SEMA6C: variants seen among roughly 807,000 people sequenced by gnomAD.
SEMA6C encodes the protein semaphorin-6C.
SEMA6C carries 37 observed loss-of-function variants against 72.9 expected under a neutral mutation model. The observed-to-expected ratio is 0.51, with a 90% CI of 0.39 to 0.67. SEMA6C has a LOEUF of 0.67. SEMA6C is among the 30% of genes least tolerant of loss of function. SEMA6C has a pLI of 0.00. For synonymous variants in SEMA6C, 578 were observed against 554.1 expected, an observed-to-expected ratio of 1.04 and a Z score of -0.61; for missense variants, 1,189 against 1,263.6, an observed-to-expected ratio of 0.94 and a Z score of 0.89.
chr1:151,132,119 C>A lies in SEMA6C; in HGVS notation c.*365G>T. On this transcript the variant is annotated 3_prime_UTR_variant, in exon 19 of 19. Transcript: ENST00000368914. The stretch of plus-strand genomic sequence containing the variant: ...CAGTAGGAGAGGCACGTCCCAGACC[C>A]AGAAGGCCCGAGGACTCTGGACACA... 1 of 1,073,634 alleles carries A rather than the reference C, an allele frequency of 9.3e-7. No individual in the cohort carries two copies. The highest frequency in any genetic ancestry group is 1.2e-6 in the Non-Finnish European group (1 of 815,370). 66.5% of individuals were successfully genotyped at this position (1,073,634 alleles called of 1,614,324 possible). A position where few individuals can be genotyped will look rare whatever the true frequency, so the allele number is the denominator to read the frequency against.
At chr1:151,136,791 A>G in intron 11 of SEMA6C, 66 bp downstream of exon 11, 1 of 1,479,884 alleles carries the variant, frequency 6.8e-7, no homozygotes, top group Non-Finnish European at 9.4e-7. Flanking sequence ...TAGGCTGTGA[A>G]AGGGGAGTTT....
chr1:151,132,415 G>C lies in SEMA6C; in HGVS notation c.*69C>G. The C allele has an allele frequency of 3.9e-6, 6 of 1,524,494 alleles. No individual in the cohort carries two copies. The highest frequency in any genetic ancestry group is 5.3e-6 in the Non-Finnish European group (6 of 1,133,198). 94.4% of individuals were successfully genotyped at this position (1,524,494 alleles called of 1,614,324 possible). A position where few individuals can be genotyped will look rare whatever the true frequency, so the allele number is the denominator to read the frequency against. On this transcript the variant is annotated 3_prime_UTR_variant, in exon 19 of 19. Coordinates refer to ENST00000368914, the MANE Select transcript of SEMA6C (RefSeq NM_030913.6). ...GGGCGAGGGGGCGGTGAAACGTCCT[G>C]AAGAGCGTCCAGCTCGTGGCCGAGA...
Position 151,137,809 on chromosome 1 carries a change from G to A in SEMA6C, c.668-10C>T, listed in dbSNP as rs1456258305. Reference sequence around the variant, plus strand: ...TGGACAAAGTGTGGCTCTAAGATGGGGAATGACAGGAAAGGGTATAGAAGA... The same window carrying A: ...TGGACAAAGTGTGGCTCTAAGATGGAGAATGACAGGAAAGGGTATAGAAGA... On this transcript the variant is annotated splice_polypyrimidine_tract_variant and intron_variant, in intron 9 of 18. Coordinates refer to ENST00000368914, the MANE Select transcript of SEMA6C (RefSeq NM_030913.6). 1 of 1,611,674 alleles carries A rather than the reference G, an allele frequency of 6.2e-7. No homozygotes were observed. Among genetic ancestry groups the A allele is most frequent in the Admixed American group, 1.7e-5 (1 of 59,864 alleles).
Position 151,137,018 on chromosome 1 carries a change from C to A in SEMA6C, c.813G>T (p.Arg271=). 1 of 1,614,040 alleles carries A rather than the reference C, an allele frequency of 6.2e-7. No homozygotes were observed. Reference sequence around the variant, plus strand: ...AGGATGTCCAGTGGCGGTCCAAGGCCCGAGGCGAGCCGCCCATGTCACGTT... The same window carrying A: ...AGGATGTCCAGTGGCGGTCCAAGGCACGAGGCGAGCCGCCCATGTCACGTT... ...VCKRDMGGSP[R]ALDRHWTSFL... is the part of the protein sequence containing the mutation. The change falls in exon 11 of 19, where the codon CGG becomes CGT. Residue 271 remains arginine (R), a synonymous_variant. Transcript: ENST00000368914.
At chr1:151,136,734 C>T in intron 11 of SEMA6C, 123 bp downstream of exon 11, 2 of 1,340,190 alleles carry the variant, frequency 1.5e-6, no homozygotes, top group South Asian at 2.7e-5. Flanking sequence ...AAAATGGCAA[C>T]ACAGCAAACT....
intron 12 of SEMA6C, 106 bp from the exon 13 acceptor site, chr1:151,136,269 C>T (rs587723689): frequency 5.3e-6 from 8 of 1,517,690 alleles, no homozygotes; most frequent in South Asian, 1.2e-5. Context: ...CTTGCTCCCC[C>T]TCCACACAGA....
intron 11 of SEMA6C, 24 bp downstream of exon 11, chr1:151,136,833 C>A: frequency 1.3e-6 from 2 of 1,596,562 alleles, no homozygotes; most frequent in South Asian, 2.2e-5. Context: ...CAGATTGGGT[C>A]ACACTAGTCA....
intron 6 of SEMA6C, 124 bp from the exon 7 acceptor site, chr1:151,138,855 G>A (rs1207203691): frequency 1.4e-6 from 1 of 729,128 alleles, no homozygotes; most frequent in African/African-American, 1.7e-5. Flanking sequence ...CACTTTGGGA[G>A]GCCAAGGTGG....
chr1:151,132,449 G>A lies in SEMA6C; in HGVS notation c.*35C>T, dbSNP rs1226004946. On this transcript the variant is annotated 3_prime_UTR_variant, in exon 19 of 19. Transcript: ENST00000368914. The stretch of plus-strand genomic sequence containing the variant: ...CCAGCTCGTGGCCGAGAGGACTCGG[G>A]CGCTCCCCACGCTGGAGGCCGTGGG... 9.1e-6 allele frequency: 14 copies of A among 1,536,094 alleles called. No individual in the cohort carries two copies. The highest frequency in any genetic ancestry group is 1.2e-5 in the Non-Finnish European group (14 of 1,138,898).
rs1042557821 is a variant in SEMA6C at position 151,145,843 on chromosome 1, CCT to C, written c.-105+588_-105+589del. 79 of 152,406 alleles carry C rather than the reference CCT, an allele frequency of 5.2e-4. No homozygotes were observed. The highest frequency in any genetic ancestry group is 1.8e-3 in the African/African-American group (75 of 41,568). 9.4% of individuals were successfully genotyped at this position (152,406 alleles called of 1,614,324 possible). A position where few individuals can be genotyped will look rare whatever the true frequency, so the allele number is the denominator to read the frequency against. On this transcript the variant is annotated intron_variant, in intron 1 of 18. Coordinates refer to ENST00000368914, the MANE Select transcript of SEMA6C (RefSeq NM_030913.6). The surrounding 1 kb of genome is among the most constrained non-coding windows in gnomAD (Gnocchi z 4.4). ...CAGCTCGGATGTCCTCCTTGGGAGA[CCT>C]CAGTCTAACAAAGCCCCGGGCCGAG...
rs1558175782 is a variant in SEMA6C at position 151,132,763 on chromosome 1, GGAGAGCGCGGGCCGGGCGGGGGCA to G, written c.2490_2513del (p.Arg834_Ala841del). On this transcript the variant is annotated inframe_deletion, in exon 19 of 19. Transcript: ENST00000368914. ...CGACGCCCAGCCGGGGAGCGGGGGC[GGAGAGCGCGGGCCGGGCGGGGGCA>G]GAGGCGCACCTGCCCTCGGGGGGCA... is the stretch of plus-strand genomic sequence containing the variant. The G allele has an allele frequency of 3.6e-5, 52 of 1,435,748 alleles. No individual in the cohort carries two copies. The highest frequency in any genetic ancestry group is 2.9e-4 in the East Asian group (11 of 38,162). The allele number at this position is 1,435,748 out of a possible 1,614,324, so 88.9% of individuals were successfully genotyped here. A position where few individuals can be genotyped will look rare whatever the true frequency, so the allele number is the denominator to read the frequency against.
chr1:151,136,298 C>G (rs1048546457), intron 12 of SEMA6C, 135 bp from the exon 13 acceptor site: 3 of 1,474,064 alleles, frequency 2.0e-6, no homozygotes, highest in South Asian at 1.3e-5. Flanking sequence ...GCACTGTCCC[C>G]TTCCCTGCCG....
At position 151,140,101 on chromosome 1, in the gene SEMA6C, C is replaced by T. The variant is rs1026023963; in HGVS notation, c.119-11G>A. 1.1e-5 allele frequency: 17 copies of T among 1,608,646 alleles called. No homozygotes were observed. The highest frequency in any genetic ancestry group is 2.7e-5 in the African/African-American group (2 of 74,788). On this transcript the variant is annotated splice_polypyrimidine_tract_variant and intron_variant, in intron 3 of 18. Transcript: ENST00000368914. ...ATAATGGGGAAGTACCTTGAGGACA[C>T]AGAGAGATAGGATTCTGAGGATACC... is the stretch of plus-strand genomic sequence containing the variant.
chr1:151,139,726 CA>C (rs1558187020), intron 4 of SEMA6C, 25 bp from the exon 5 acceptor site: 1 of 1,576,698 alleles, frequency 6.3e-7, no homozygotes, highest in Admixed American at 1.8e-5. Flanking sequence ...AAGGAGGGGT[CA>C]GAGCCTAGTC....
At chr1:151,140,732 C>A (rs971348173) in intron 3 of SEMA6C, among the ~76,000 whole-genome samples, 1 of 152,204 alleles carries the variant, frequency 6.6e-6, no homozygotes, top group East Asian at 1.9e-4. Context: ...CGGTGGCTCA[C>A]GCCTGTAATC....
rs1681998173 is a variant in SEMA6C at position 151,136,080 on chromosome 1, T to C, written c.1190A>G (p.Lys397Arg). ...DLPDDVLTFIKAHPLLDPAVP... is the reference protein window; with the variant it reads ...DLPDDVLTFIRAHPLLDPAVP... The stretch of plus-strand genomic sequence containing the variant: ...AGCGGGGTCCAGCAGCGGGTGAGCC[T>C]TGATGAAGGTCAGGACATCATCAGG... The change falls in exon 13 of 19, where the codon AAG becomes AGG. Residue 397 changes from lysine to arginine, a missense_variant. Lys to Arg is a conservative substitution (Grantham distance 26, BLOSUM62 2). Transcript: ENST00000368914. 6.2e-7 allele frequency: 1 copy of C among 1,613,800 alleles called. No homozygotes were observed. Among genetic ancestry groups the C allele is most frequent in the Admixed American group, 1.7e-5 (1 of 59,986 alleles).
rs1174104239 is a variant in SEMA6C at position 151,133,911 on chromosome 1, A to G, written c.1760-394T>C. The G allele has an allele frequency of 7.0e-7, 1 of 1,419,624 alleles. No individual in the cohort carries two copies. Among genetic ancestry groups the G allele is most frequent in the African/African-American group, 1.4e-5 (1 of 70,250 alleles). The allele number at this position is 1,419,624 out of a possible 1,614,324, so 87.9% of individuals were successfully genotyped here. A position where few individuals can be genotyped will look rare whatever the true frequency, so the allele number is the denominator to read the frequency against. The stretch of plus-strand genomic sequence containing the variant: ...GTGAGGGGCTTAGAACGCTCCGAGA[A>G]TCAGCAGCCCCACACTTCACTCCTA... On this transcript the variant is annotated intron_variant, in intron 18 of 18. Transcript: ENST00000368914. This position sits in a 1 kb window ranked among gnomAD's most constrained non-coding sequence, Gnocchi z 5.9.
chr1:151,137,048 T>C lies in SEMA6C; in HGVS notation c.783A>G (p.Val261=), dbSNP rs776118923. Residue 261 remains valine (V), a synonymous_variant, in exon 11 of 19, where the codon GTA becomes GTG. Coordinates refer to ENST00000368914, the MANE Select transcript of SEMA6C (RefSeq NM_030913.6). The stretch of plus-strand genomic sequence containing the variant: ...GCGAGCCGCCCATGTCACGTTTACA[T>C]ACTCGGGCTACGCGGGAGAACTGCA... ...GRVQFSRVAR[V]CKRDMGGSPR... is the part of the protein sequence containing the mutation. The C allele has an allele frequency of 1.8e-5, 29 of 1,613,540 alleles. No homozygotes were observed. The highest frequency in any genetic ancestry group is 1.9e-5 in the Non-Finnish European group (22 of 1,180,032).
chr1:151,134,689 G>C lies in SEMA6C; in HGVS notation c.1659-14C>G, dbSNP rs1032585650. 2 of 1,614,040 alleles carry C rather than the reference G, an allele frequency of 1.2e-6. No homozygotes were observed. Among genetic ancestry groups the C allele is most frequent in the Non-Finnish European group, 8.5e-7 (1 of 1,179,990 alleles). Reference sequence around the variant, plus strand: ...TCCACATCAGTCCTAGGAGGAAAACGAAGTGGCTATAGAATTCTGTACGTT... The same window carrying C: ...TCCACATCAGTCCTAGGAGGAAAACCAAGTGGCTATAGAATTCTGTACGTT... On this transcript the variant is annotated splice_polypyrimidine_tract_variant and intron_variant, in intron 16 of 18. Transcript: ENST00000368914.
Sources: allele counts gnomAD v4.1 joint callset (sites outside exome capture counted in the v4.1 genomes callset), GRCh38; gene constraint gnomAD v4.1.1; non-coding constraint Gnocchi (gnomAD v3.1); transcripts MANE v1.5; gene names NCBI Gene and HGNC (gene_info 2026-07-23, HGNC 2026-07-21).